Variants in ERICH1 observed in about 807,000 individuals in gnomAD.
ERICH1 encodes the protein glutamate-rich protein 1.
Under a neutral mutation model 39.6 loss-of-function variants are expected in ERICH1, and 56 were observed. The observed-to-expected ratio is 1.41, with a 90% CI of 1.14 to 1.77. The LOEUF is 1.77. Among genes scored for constraint, ERICH1 ranks in the 40% most tolerant of loss-of-function variants. The pLI, the probability that ERICH1 is intolerant of heterozygous loss-of-function variation, is 0.00. For synonymous variants in ERICH1, 313 were observed against 223.6 expected (o/e 1.40, Z -3.57); for missense variants, 826 against 575.4 (o/e 1.44, Z -4.45).
At chr8:620,431 GATC>G (rs1235070292) in intron 3 of ERICH1, among the ~76,000 whole-genome samples, 8 of 152,176 alleles carry the variant, frequency 5.3e-5, no homozygotes, top group South Asian at 2.1e-4. Flanking sequence ...AAAAGGCAGA[GATC>G]ATCAGACTGA....
chr8:661,971 G>T (rs912358956), downstream of ERICH1, among the ~76,000 whole-genome samples: 1 of 151,714 alleles, frequency 6.6e-6, no homozygotes, highest in African/African-American at 2.4e-5. Flanking sequence ...GGATTCTGTG[G>T]AACCCAGGAA....
At chr8:727,599 G>A (rs565128962) in intron 1 of ERICH1, among the ~76,000 whole-genome samples, 1 of 152,342 alleles carries the variant, frequency 6.6e-6, no homozygotes, top group East Asian at 1.9e-4. Context: ...GTCACAGCAA[G>A]AATGGATTCT....
intron 3 of ERICH1, chr8:616,466 C>A (rs1796904104): frequency 2.2e-6 from 1 of 453,396 alleles, no homozygotes; most frequent in Admixed American, 2.4e-5. Context: ...TCAGCGCTGG[C>A]CAACAAACCC....
At chr8:636,689 G>C (rs1288664817) in intron 3 of ERICH1, among the ~76,000 whole-genome samples, 1 of 152,250 alleles carries the variant, frequency 6.6e-6, no homozygotes, top group Non-Finnish European at 1.5e-5. Context: ...TGCTGCAGTG[G>C]CTGTGCAGCC....
intron 1 of ERICH1, among the ~76,000 whole-genome samples, chr8:720,353 C>T (rs866837009): frequency 2.2e-4 from 34 of 152,292 alleles, no homozygotes; most frequent in African/African-American, 6.3e-4. Flanking sequence ...AGGACGAGGA[C>T]GCATGCTGGC....
intron 3 of ERICH1, among the ~76,000 whole-genome samples, chr8:628,748 C>T (rs1797740864): frequency 6.6e-6 from 1 of 152,236 alleles, no homozygotes. Flanking sequence ...CTCACGTAGT[C>T]CCTGAAGCTG....
chr8:655,450 C>A (rs1045615291), intron 3 of ERICH1, among the ~76,000 whole-genome samples: 26 of 152,322 alleles, frequency 1.7e-4, no homozygotes, highest in African/African-American at 5.8e-4. Context: ...TACGTTCTTA[C>A]CTACGTGTGC....
chr8:676,583 A>G (rs1047120963), intron 3 of ERICH1, among the ~76,000 whole-genome samples: 5 of 152,138 alleles, frequency 3.3e-5, no homozygotes, highest in Non-Finnish European at 7.4e-5. Flanking sequence ...AGGGTATCAG[A>G]TAAGTAACTG....
intron 3 of ERICH1, among the ~76,000 whole-genome samples, chr8:690,010 C>T (rs1449020026): frequency 6.6e-6 from 1 of 152,180 alleles, no homozygotes; most frequent in Non-Finnish European, 1.5e-5. Flanking sequence ...TCTTCTGGCA[C>T]AATCTATAGT....
At chr8:703,779 A>G (rs567361372) in intron 2 of ERICH1, among the ~76,000 whole-genome samples, 3 of 152,340 alleles carry the variant, frequency 2.0e-5, no homozygotes, top group Admixed American at 6.5e-5. Context: ...ATCCGGGAGA[A>G]GATGTAAGAA....
chr8:679,333 C>G (rs1805584484), intron 3 of ERICH1, among the ~76,000 whole-genome samples: 1 of 151,034 alleles, frequency 6.6e-6, no homozygotes, highest in Admixed American at 6.6e-5. Flanking sequence ...CAGCAGTGAC[C>G]CCTCACAGCT....
At chr8:624,920 G>T (rs913311981) in intron 3 of ERICH1, among the ~76,000 whole-genome samples, 1 of 151,974 alleles carries the variant, frequency 6.6e-6, no homozygotes, top group South Asian at 2.1e-4. Context: ...TAGAGACGGG[G>T]TTTCACCGTG....
chr8:730,253 T>TA (rs1275883508), intron 1 of ERICH1, among the ~76,000 whole-genome samples: 1 of 152,242 alleles, frequency 6.6e-6, no homozygotes, highest in Non-Finnish European at 1.5e-5. Context: ...AGTGTGTCCC[T>TA]GAAAAGGAAG....
At chr8:701,351 G>T (rs1362529891) in intron 2 of ERICH1, among the ~76,000 whole-genome samples, 1 of 152,066 alleles carries the variant, frequency 6.6e-6, no homozygotes, top group African/African-American at 2.4e-5. Flanking sequence ...CGTACCCACG[G>T]GTCTACCCTG....
intron 3 of ERICH1, among the ~76,000 whole-genome samples, chr8:654,892 C>T (rs1312720219): frequency 6.6e-6 from 1 of 152,234 alleles, no homozygotes; most frequent in Non-Finnish European, 1.5e-5. Context: ...GGCGGGAACA[C>T]CTGCCAAGCT....
intron 3 of ERICH1, among the ~76,000 whole-genome samples, chr8:617,402 G>A (rs1453813922): frequency 6.6e-6 from 1 of 152,184 alleles, no homozygotes; most frequent in Non-Finnish European, 1.5e-5. Flanking sequence ...ATCACTCCCT[G>A]TCATCTACTA....
chr8:696,005 C>CTCG (rs1485302798), intron 2 of ERICH1, among the ~76,000 whole-genome samples: 1 of 23,010 alleles, frequency 4.3e-5, no homozygotes, highest in Non-Finnish European at 8.8e-5. Context: ...TCAGCCTGCG[C>CTCG]CTGTGCTGGC....
At chr8:669,880 A>G (rs1802897579) in intron 4 of ERICH1, among the ~76,000 whole-genome samples, 1 of 152,086 alleles carries the variant, frequency 6.6e-6, no homozygotes, top group African/African-American at 2.4e-5. Flanking sequence ...TTCGGCGTTA[A>G]CCCTGCTTGG....
intron 3 of ERICH1, among the ~76,000 whole-genome samples, chr8:618,971 AT>A (rs1401846217): frequency 6.6e-6 from 1 of 152,232 alleles, no homozygotes; most frequent in African/African-American, 2.4e-5. Context: ...CTCTGAAATT[AT>A]CCTAAGGGCA....
Sources: gnomAD v4.1 joint callset for allele counts (sites outside exome capture counted in the v4.1 genomes callset) on GRCh38, gnomAD v4.1.1 for gene constraint, MANE v1.5 for transcripts, NCBI Gene and HGNC (gene_info 2026-07-23, HGNC 2026-07-21) for gene names.